XKR4: variants seen among roughly 807,000 people sequenced by gnomAD.
XKR4 encodes XK-related protein 4.
A neutral mutation model predicts 53.9 loss-of-function variants in XKR4; 12 were observed. That is an observed-to-expected ratio of 0.22 (90% CI 0.14 to 0.36). The LOEUF is 0.36. XKR4 is among the 10% of genes least tolerant of loss of function. XKR4 has a pLI of 1.00. For synonymous variants in XKR4, 354 were observed against 362.4 expected (o/e 0.98, Z 0.26); for missense variants, 799 against 859.5 (o/e 0.93, Z 0.88).
chr8:55,125,932 A>G (rs1011503700), intron 1 of XKR4, among the ~76,000 whole-genome samples: 1 of 152,164 alleles, frequency 6.6e-6, no homozygotes, highest in Non-Finnish European at 1.5e-5. Flanking sequence ...GTGTTACTAC[A>G]CAGGTTGTAT....
intron 1 of XKR4, among the ~76,000 whole-genome samples, chr8:55,306,828 G>C (rs893293644): frequency 6.6e-6 from 1 of 151,966 alleles, no homozygotes; most frequent in African/African-American, 2.4e-5. Context: ...ATGACAGAAA[G>C]ATAGCCTTGG....
At chr8:55,170,559 AC>A (rs1276058423) in intron 1 of XKR4, among the ~76,000 whole-genome samples, 1 of 152,204 alleles carries the variant, frequency 6.6e-6, no homozygotes, top group African/African-American at 2.4e-5. Context: ...GAACTGACCT[AC>A]AGAGCTGTAA....
At chr8:55,112,563 T>TTTTTTG (rs1816246821) in intron 1 of XKR4, among the ~76,000 whole-genome samples, 1 of 16,080 alleles carries the variant, frequency 6.2e-5, no homozygotes, top group Non-Finnish European at 1.2e-4. Context: ...ACTTTTCAGG[T>TTTTTTG]TTTTTTTTTT....
chr8:55,315,267 G>A (rs1052097327), intron 1 of XKR4, among the ~76,000 whole-genome samples: 5 of 152,206 alleles, frequency 3.3e-5, no homozygotes, highest in Non-Finnish European at 4.4e-5. Flanking sequence ...AGTAAGCCAG[G>A]CACTAAATGT....
chr8:55,460,354 G>A (rs1805636340), intron 2 of XKR4, among the ~76,000 whole-genome samples: 1 of 152,190 alleles, frequency 6.6e-6, no homozygotes. Flanking sequence ...GACACTGGTT[G>A]TGCCACTGAA....
At chr8:55,107,044 A>G (rs1045446659) in intron 1 of XKR4, among the ~76,000 whole-genome samples, 2 of 152,198 alleles carry the variant, frequency 1.3e-5, no homozygotes, top group Non-Finnish European at 2.9e-5. Flanking sequence ...TCTATTAAAC[A>G]TTCTTATAAT....
At chr8:55,469,616 T>A in intron 2 of XKR4, among the ~76,000 whole-genome samples, 1 of 152,250 alleles carries the variant, frequency 6.6e-6, no homozygotes, top group Admixed American at 6.5e-5. Flanking sequence ...TATTCCATGT[T>A]AGCATAATAT....
Position 55,381,062 on chromosome 8 carries a change from G to A in XKR4, c.1006+23185G>A, listed in dbSNP as rs139208327. Among the ~76,000 whole-genome samples the A allele has an allele frequency of 2.5e-4, 38 of 152,152 alleles. No individual in the cohort carries two copies. In the East Asian group the frequency reaches 5.4e-3, roughly 22 times the overall value. Reference sequence around the variant, plus strand: ...TTAGATGCTGATGCATTAAATGTCCGCTTCAAGAGACTTGGCAATATATAC... The same window carrying A: ...TTAGATGCTGATGCATTAAATGTCCACTTCAAGAGACTTGGCAATATATAC... On this transcript the variant is annotated intron_variant, in intron 2 of 2. Coordinates refer to ENST00000327381, the MANE Select transcript of XKR4 (RefSeq NM_052898.2).
At chr8:55,369,367 AAGGGGAGGGG>A (rs1184594381) in intron 2 of XKR4, among the ~76,000 whole-genome samples, 8 of 29,914 alleles carry the variant, frequency 2.7e-4, no homozygotes, top group Non-Finnish European at 4.1e-4. Context: ...AAGGGAAGGG[AAGGGGAGGGG>A]AGGGGAGGGG....
chr8:55,341,495 A>G (rs1803546593), intron 1 of XKR4, among the ~76,000 whole-genome samples: 1 of 152,166 alleles, frequency 6.6e-6, no homozygotes, highest in Non-Finnish European at 1.5e-5. Context: ...TGTGCCAGGA[A>G]GGCGCCCTGG....
chr8:55,215,412 A>G, intron 1 of XKR4, among the ~76,000 whole-genome samples: 1 of 152,246 alleles, frequency 6.6e-6, no homozygotes, highest in East Asian at 1.9e-4. Context: ...ATTATATGGT[A>G]AGAAACTACA....
At chr8:55,452,253 T>A in intron 2 of XKR4, 3 of 642,242 alleles carry the variant, frequency 4.7e-6, no homozygotes, top group East Asian at 3.0e-5. Context: ...CAGCCCGTCC[T>A]GCAATAGCTG....
chr8:55,189,586 A>G (rs1447750836), intron 1 of XKR4, among the ~76,000 whole-genome samples: 1 of 152,206 alleles, frequency 6.6e-6, no homozygotes, highest in Non-Finnish European at 1.5e-5. Context: ...GCATCTAAAC[A>G]TAGAAAAGGT....
intron 2 of XKR4, among the ~76,000 whole-genome samples, chr8:55,465,147 A>T (rs767681755): frequency 6.6e-6 from 1 of 152,158 alleles, no homozygotes; most frequent in Non-Finnish European, 1.5e-5. Flanking sequence ...TTTAAAGTTC[A>T]TATGGAACCA....
chr8:55,444,126 G>A (rs959247949), intron 2 of XKR4, among the ~76,000 whole-genome samples: 3 of 152,126 alleles, frequency 2.0e-5, no homozygotes, highest in African/African-American at 7.2e-5. Context: ...AGCTGAGATA[G>A]CACCACTGTA....
intron 1 of XKR4, among the ~76,000 whole-genome samples, chr8:55,118,476 T>C (rs1816340420): frequency 6.6e-6 from 1 of 152,216 alleles, no homozygotes; most frequent in Non-Finnish European, 1.5e-5. Flanking sequence ...TATATCTATG[T>C]GACATACTTC....
chr8:55,454,199 A>G (rs1238850046), intron 2 of XKR4: 1 of 1,042,788 alleles, frequency 9.6e-7, no homozygotes, highest in African/African-American at 1.5e-5. Flanking sequence ...TGGCTCTAGC[A>G]AGGGTGGAAT....
At chr8:55,230,387 G>A (rs1349080153) in intron 1 of XKR4, among the ~76,000 whole-genome samples, 2 of 134,192 alleles carry the variant, frequency 1.5e-5, no homozygotes, top group Admixed American at 8.2e-5. Context: ...TTTGAGACAG[G>A]GTTTCTCTCC....
At position 55,464,820 on chromosome 8, in the gene XKR4, A is replaced by C. The variant is rs564560385; in HGVS notation, c.1007-58461A>C. ...ATACAAAATCAATGTACAAAAATCA[A>C]AAGCATTCTTATACACCAAAAACAG... On this transcript the variant is annotated intron_variant, in intron 2 of 2. Coordinates refer to ENST00000327381, the MANE Select transcript of XKR4 (RefSeq NM_052898.2). Among the ~76,000 whole-genome samples, 873 of 152,210 alleles carry C rather than the reference A, an allele frequency of 5.7e-3. 9 individuals carry two copies. Among genetic ancestry groups the C allele is most frequent in the African/African-American group, 0.019 (808 of 41,486 alleles).
Sources: gnomAD v4.1 joint callset for allele counts (sites outside exome capture counted in the v4.1 genomes callset) on GRCh38, gnomAD v4.1.1 for gene constraint, MANE v1.5 for transcripts, NCBI Gene and HGNC (gene_info 2026-07-23, HGNC 2026-07-21) for gene names.